Variants in HEATR5A observed in about 807,000 individuals in gnomAD.
HEATR5A encodes the protein HEAT repeat containing 5A, also known as HEAT repeat-containing protein 5A.
In HEATR5A, 178 loss-of-function variants were observed where a neutral mutation model predicts 218.8. The ratio of observed to expected loss-of-function variants is 0.81; its 90% CI spans 0.72 to 0.92. The LOEUF (loss-of-function observed/expected upper bound fraction) is 0.92, where lower values mean the gene tolerates loss of function less well. Ranked by LOEUF, HEATR5A falls within the 40% of genes least tolerant of loss-of-function variation. HEATR5A has a pLI of 0.00. For missense variants in HEATR5A, 2,420 were observed against 2,418.9 expected (o/e 1.00, Z -0.01); for synonymous variants, 864 against 871.6 (o/e 0.99, Z 0.15).
At chr14:31,323,311 C>T (rs1900167637) in intron 24 of HEATR5A, among the ~76,000 whole-genome samples, 1 of 152,056 alleles carries the variant, frequency 6.6e-6, no homozygotes, top group Middle Eastern at 3.4e-3. Flanking sequence ...TAGGTGCATG[C>T]CACCATGCCT....
chr14:31,359,279 AGTGTAAGAGTGT>A (rs139649848), intron 14 of HEATR5A, among the ~76,000 whole-genome samples: 39,736 of 102,520 alleles, frequency 0.39, 6,214 homozygotes, highest in Non-Finnish European at 0.5. Context: ...AACATCTCAA[AGTGTAAGAGTGT>A]GTGTGTGTGT....
chr14:31,336,970 T>C (rs982302346), intron 22 of HEATR5A, among the ~76,000 whole-genome samples: 2 of 152,174 alleles, frequency 1.3e-5, no homozygotes, highest in South Asian at 2.1e-4. Context: ...TACAAACCCA[T>C]AGAACAAGTT....
rs372310705 is a variant in HEATR5A at position 31,325,396 on chromosome 14, C to A, written c.3547+767G>T. Among the ~76,000 whole-genome samples the A allele has an allele frequency of 3.9e-4, 60 of 152,016 alleles. No individual in the cohort carries two copies. In the South Asian group the frequency reaches 0.012, roughly 30 times the overall value. On this transcript the variant is annotated intron_variant, in intron 23 of 35. Transcript: ENST00000543095. ...TATTGTATGTAGTGAAACTGGCTTG[C>A]TCAAAATGTCATAACTTTGTATAAC...
rs982745329 is a variant in HEATR5A, at chr14:31,387,047, T to C, written c.1189+73A>G. Reference sequence around the variant, plus strand: ...GTTTCTGTATTAATATAGTATTATATATCAGTCTAGCTTTCCCAAAGGGAC... The same window carrying C: ...GTTTCTGTATTAATATAGTATTATACATCAGTCTAGCTTTCCCAAAGGGAC... On this transcript the variant is annotated intron_variant, in intron 8 of 35. Transcript: ENST00000543095. 35 of 1,431,864 alleles carry C rather than the reference T, an allele frequency of 2.4e-5. No individual in the cohort carries two copies. The African/African-American group carries it at 2.8e-4, about 12-fold the overall frequency. The allele number at this position is 1,431,864 out of a possible 1,614,324, so 88.7% of individuals were successfully genotyped here. A position where few individuals can be genotyped will look rare whatever the true frequency, so the allele number is the denominator to read the frequency against.
intron 6 of HEATR5A, among the ~76,000 whole-genome samples, chr14:31,393,114 T>C (rs1366943312): frequency 6.6e-6 from 1 of 152,172 alleles, no homozygotes; most frequent in Non-Finnish European, 1.5e-5. Context: ...GCCAAATATA[T>C]GTAGTCAGAT....
rs775214706 is a variant in HEATR5A at position 31,304,932 on chromosome 14, C to G, written c.5212G>C (p.Glu1738Gln). 1 of 1,613,780 alleles carries G rather than the reference C, an allele frequency of 6.2e-7. No individual in the cohort carries two copies. The highest frequency in any genetic ancestry group is 1.1e-5 in the South Asian group (1 of 91,076). The change falls in exon 32 of 36, where the codon GAA becomes CAA. Residue 1738 changes from glutamate (E) to glutamine (Q), a missense_variant. By Grantham distance (29) the Glu-to-Gln change is conservative (BLOSUM62 2). Transcript: ENST00000543095. ...TCAGGAGAGCACACTGCAGGAAGTT[C>G]GGAAAGGATAACCAATGCAGCTGAA... ...LVSAALVILS[E>Q]LPAVCSPEGS...
intron 13 of HEATR5A, among the ~76,000 whole-genome samples, chr14:31,369,888 C>A (rs888709596): frequency 2.7e-5 from 4 of 148,322 alleles, no homozygotes; most frequent in African/African-American, 1.0e-4. Flanking sequence ...GACCGGAGAT[C>A]GCGCCACTGC....
chr14:31,327,622 A>G (rs1900314621), intron 22 of HEATR5A, among the ~76,000 whole-genome samples: 1 of 152,148 alleles, frequency 6.6e-6, no homozygotes, highest in Non-Finnish European at 1.5e-5. Flanking sequence ...TTAAAAAAAC[A>G]TAATTAAGTT....
intron 24 of HEATR5A, among the ~76,000 whole-genome samples, chr14:31,323,108 T>C (rs1900161939): frequency 6.6e-6 from 1 of 152,194 alleles, no homozygotes; most frequent in Admixed American, 6.5e-5. Context: ...ATGTTCATAC[T>C]ATTTCCCAAG....
At chr14:31,347,584 G>A (rs1283622010) in intron 19 of HEATR5A, among the ~76,000 whole-genome samples, 164 bp downstream of exon 19, 2 of 152,234 alleles carry the variant, frequency 1.3e-5, no homozygotes, top group Non-Finnish European at 2.9e-5. Flanking sequence ...GACTCTGAGT[G>A]TGGGGGAAGA....
intron 1 of HEATR5A, among the ~76,000 whole-genome samples, chr14:31,407,584 TTATATATA>T (rs1039144242): frequency 0.02 from 26 of 1,324 alleles, no homozygotes; most frequent in African/African-American, 0.024. Flanking sequence ...CTTATTTTAT[TTATATATA>T]TATATATATA....
chr14:31,300,277 A>T (rs977918731), intron 33 of HEATR5A, among the ~76,000 whole-genome samples: 2 of 149,412 alleles, frequency 1.3e-5, no homozygotes, highest in Non-Finnish European at 3.0e-5. Context: ...CCTAGAATCC[A>T]TTTCTTTTTC....
chr14:31,336,283 G>A (rs1482569924), intron 22 of HEATR5A, among the ~76,000 whole-genome samples: 1 of 136,728 alleles, frequency 7.3e-6, no homozygotes, highest in African/African-American at 2.7e-5. Flanking sequence ...AAATAGAGAT[G>A]AGGTCTCACT....
At chr14:31,340,537 CTT>C (rs1185624372) in intron 21 of HEATR5A, 21 of 1,049,194 alleles carry the variant, frequency 2.0e-5, no homozygotes, top group Non-Finnish European at 2.7e-5. Context: ...ATTAGGATGA[CTT>C]TGACAACAGT....
intron 1 of HEATR5A, among the ~76,000 whole-genome samples, chr14:31,403,927 T>C (rs1238020033): frequency 6.6e-6 from 1 of 152,204 alleles, no homozygotes; most frequent in Non-Finnish European, 1.5e-5. Context: ...TTTTTATTTT[T>C]AGGACATGGA....
At chr14:31,375,814 T>C (rs1902205975) in intron 11 of HEATR5A, among the ~76,000 whole-genome samples, 1 of 152,226 alleles carries the variant, frequency 6.6e-6, no homozygotes, top group Non-Finnish European at 1.5e-5. Context: ...GCAACATTTA[T>C]GAATTGAAGG....
chr14:31,372,100 A>G (rs779862525), intron 12 of HEATR5A, among the ~76,000 whole-genome samples, 191 bp from the exon 13 acceptor site: 1 of 151,924 alleles, frequency 6.6e-6, no homozygotes, highest in African/African-American at 2.4e-5. Flanking sequence ...AAAAACAACA[A>G]CAACTCTCTA....
intron 1 of HEATR5A, among the ~76,000 whole-genome samples, chr14:31,411,291 A>AAATTC (rs2031262444): frequency 6.7e-6 from 1 of 148,862 alleles, no homozygotes; most frequent in Non-Finnish European, 1.5e-5. Flanking sequence ...ATTCCAGTGA[A>AAATTC]AATTCAAAAG....
In HEATR5A at chr14:31,364,273, C is replaced by T; in HGVS notation, c.1987G>A (p.Gly663Arg). ...ACTGACGGTGTTTTCAAAGGACTTCCATACATTTTTAGTATTGAAGAAAGC... is the reference window on the plus strand; with the variant it reads ...ACTGACGGTGTTTTCAAAGGACTTCTATACATTTTTAGTATTGAAGAAAGC... ...TQLSSILKMY[G>R]SPLKTPSVVY... is the part of the protein sequence containing the mutation. Residue 663 changes from glycine to arginine, a missense_variant, in exon 14 of 36, where the codon GGA (glycine) becomes AGA (arginine). Physicochemically the swap from Gly to Arg is moderately radical, Grantham distance 125 (BLOSUM62 -2). Coordinates refer to ENST00000543095, the MANE Select transcript of HEATR5A (RefSeq NM_015473.4). 1.3e-6 allele frequency: 2 copies of T among 1,540,424 alleles called. No homozygotes were observed. The highest frequency in any genetic ancestry group is 2.7e-5 in the African/African-American group (2 of 73,196).
Sources: allele counts gnomAD v4.1 joint callset (sites outside exome capture counted in the v4.1 genomes callset), GRCh38; gene constraint gnomAD v4.1.1; transcripts MANE v1.5; gene names NCBI Gene and HGNC (gene_info 2026-07-23, HGNC 2026-07-21).